Variants in CCSER1 observed in about 807,000 individuals in gnomAD.
CCSER1 encodes coiled-coil serine rich protein 1.
In CCSER1, 41 loss-of-function variants were observed where a neutral mutation model predicts 82.0. The ratio of observed to expected loss-of-function variants is 0.50; its 90% CI spans 0.39 to 0.65. The LOEUF (loss-of-function observed/expected upper bound fraction) is 0.65. Among genes scored for constraint, CCSER1 ranks in the 30% least tolerant of loss-of-function variants. The probability of loss-of-function intolerance (pLI) is 0.00; values close to 1 mark genes in which losing one functional copy is unlikely to be tolerated. For missense variants in CCSER1, 1,119 were observed against 1,064.2 expected, an observed-to-expected ratio of 1.05 and a Z score of -0.72; for synonymous variants, 414 against 383.9, an observed-to-expected ratio of 1.08 and a Z score of -0.92.
At chr4:90,989,715 A>T (rs1457716406) in intron 9 of CCSER1, among the ~76,000 whole-genome samples, 10 of 151,760 alleles carry the variant, frequency 6.6e-5, no homozygotes, top group Non-Finnish European at 1.5e-5. Flanking sequence ...TTTATTTTTG[A>T]TCTTTGGGTT....
intron 3 of CCSER1, among the ~76,000 whole-genome samples, chr4:90,351,067 G>C (rs373187838): frequency 6.6e-6 from 1 of 151,998 alleles, no homozygotes; most frequent in Non-Finnish European, 1.5e-5. Flanking sequence ...TAACAAGAGG[G>C]CACTAGCCCT....
chr4:90,650,812 C>T (rs1429417920), intron 6 of CCSER1, among the ~76,000 whole-genome samples: 1 of 152,130 alleles, frequency 6.6e-6, no homozygotes, highest in Non-Finnish European at 1.5e-5. Context: ...TTCTTCCTAC[C>T]TCAACTTTTC....
Position 91,604,791 on chromosome 4 carries a change from G to A in CCSER1, c.*5734G>A, listed in dbSNP as rs1764907353. On this transcript the variant is annotated 3_prime_UTR_variant, in exon 11 of 11. Coordinates refer to ENST00000509176, the MANE Select transcript of CCSER1 (RefSeq NM_001145065.2). The stretch of plus-strand genomic sequence containing the variant: ...TATTCAGAAGGAATTGAAGTGAAAT[G>A]AGGAATACAAATTTACTTGTCCTAA... 1 of 151,906 alleles carries A rather than the reference G, an allele frequency of 6.6e-6. No homozygotes were observed. The highest frequency in any genetic ancestry group is 1.5e-5 in the Non-Finnish European group (1 of 67,912). 9.4% of individuals were successfully genotyped at this position (151,906 alleles called of 1,614,324 possible).
chr4:90,242,089 T>C (rs1746967750), intron 1 of CCSER1, among the ~76,000 whole-genome samples: 1 of 152,070 alleles, frequency 6.6e-6, no homozygotes, highest in Non-Finnish European at 1.5e-5. Flanking sequence ...GGCAGATCAC[T>C]TGAGGTCAGG....
chr4:91,536,310 C>T (rs1311790010), intron 10 of CCSER1, among the ~76,000 whole-genome samples: 1 of 152,032 alleles, frequency 6.6e-6, no homozygotes, highest in African/African-American at 2.4e-5. Context: ...TATACATATT[C>T]ATAATTTCCA....
intron 10 of CCSER1, among the ~76,000 whole-genome samples, chr4:91,427,168 C>T (rs1385615838): frequency 6.6e-6 from 1 of 152,064 alleles, no homozygotes; most frequent in Non-Finnish European, 1.5e-5. Context: ...TGAAGAACAT[C>T]ACCACCACCA....
intron 9 of CCSER1, among the ~76,000 whole-genome samples, chr4:90,927,395 C>A (rs1490379243): frequency 6.6e-6 from 1 of 151,922 alleles, no homozygotes; most frequent in East Asian, 1.9e-4. Context: ...CTGATGTTAT[C>A]AGGTATTTCA....
intron 10 of CCSER1, among the ~76,000 whole-genome samples, chr4:91,579,988 G>A (rs1763652344): frequency 1.3e-5 from 2 of 151,828 alleles, no homozygotes; most frequent in Non-Finnish European, 2.9e-5. Flanking sequence ...ACAATCATGA[G>A]GGATAAATGT....
intron 10 of CCSER1, among the ~76,000 whole-genome samples, chr4:91,529,271 G>A (rs1299462350): frequency 6.6e-6 from 1 of 152,050 alleles, no homozygotes; most frequent in Non-Finnish European, 1.5e-5. Context: ...ATTTATTTAT[G>A]TGTGTATTTT....
At chr4:90,140,544 GTATCAA>G (rs754306841) in intron 1 of CCSER1, among the ~76,000 whole-genome samples, 2 of 150,782 alleles carry the variant, frequency 1.3e-5, no homozygotes, top group Non-Finnish European at 2.9e-5. Context: ...AGACAAACTT[GTATCAA>G]TCTTTGTTAT....
At chr4:91,362,973 A>T (rs917141797) in intron 10 of CCSER1, among the ~76,000 whole-genome samples, 57 of 151,714 alleles carry the variant, frequency 3.8e-4, no homozygotes, top group African/African-American at 1.3e-3. Context: ...CATTTTAAAC[A>T]AACAATCCAA....
At chr4:90,509,388 C>G (rs1693630456) in intron 5 of CCSER1, among the ~76,000 whole-genome samples, 1 of 151,978 alleles carries the variant, frequency 6.6e-6, no homozygotes, top group African/African-American at 2.4e-5. Context: ...ATGCATTGTT[C>G]CATATCCTAT....
chr4:90,968,074 C>G (rs1581226976), intron 9 of CCSER1, among the ~76,000 whole-genome samples: 1 of 151,964 alleles, frequency 6.6e-6, no homozygotes, highest in South Asian at 2.1e-4. Context: ...AGAGGCATGC[C>G]CCTTCCAAAC....
At chr4:90,794,096 C>A (rs893820709) in intron 7 of CCSER1, among the ~76,000 whole-genome samples, 2 of 152,154 alleles carry the variant, frequency 1.3e-5, no homozygotes, top group Admixed American at 1.3e-4. Flanking sequence ...CAAAAATATT[C>A]TCTCATTCTG....
chr4:90,463,856 G>A (rs1763281984), intron 4 of CCSER1, among the ~76,000 whole-genome samples: 1 of 151,936 alleles, frequency 6.6e-6, no homozygotes, highest in African/African-American at 2.4e-5. Context: ...ATGCCTCTCT[G>A]ATGAATCCTT....
rs1581895796 is a variant in CCSER1 at position 91,279,955 on chromosome 4, G to T, written c.2217+193961G>T. On this transcript the variant is annotated intron_variant, in intron 10 of 10. Transcript: ENST00000509176. ...TGGTGTTCGTTGGATAAGGTGCTTTGGCTTTAATTCTGGTCATGTGCCGTA... is the reference window on the plus strand; with the variant it reads ...TGGTGTTCGTTGGATAAGGTGCTTTTGCTTTAATTCTGGTCATGTGCCGTA... 3.9e-5 allele frequency among the ~76,000 whole-genome samples: 6 copies of T among 152,232 alleles called. 1 individual carries two copies. The Middle Eastern group carries it at 0.021, about 521-fold the overall frequency.
At chr4:91,455,646 CTGGA>C (rs1436312214) in intron 10 of CCSER1, among the ~76,000 whole-genome samples, 1 of 152,038 alleles carries the variant, frequency 6.6e-6, no homozygotes, top group African/African-American at 2.4e-5. Flanking sequence ...TTAAAGCAGG[CTGGA>C]TGGACTAAGA....
chr4:90,426,310 A>G (rs1026849978), intron 4 of CCSER1, among the ~76,000 whole-genome samples: 1 of 152,234 alleles, frequency 6.6e-6, no homozygotes, highest in Non-Finnish European at 1.5e-5. Flanking sequence ...TGAAGTATTA[A>G]TATTTGTCCA....
At chr4:91,145,788 T>A (rs950905189) in intron 10 of CCSER1, among the ~76,000 whole-genome samples, 2 of 152,164 alleles carry the variant, frequency 1.3e-5, no homozygotes, top group Non-Finnish European at 2.9e-5. Context: ...TCCTAATCTC[T>A]TCTGGCTTTT....
Sources: gnomAD v4.1 joint callset for allele counts (sites outside exome capture counted in the v4.1 genomes callset) on GRCh38, gnomAD v4.1.1 for gene constraint, MANE v1.5 for transcripts, NCBI Gene and HGNC (gene_info 2026-07-23, HGNC 2026-07-21) for gene names.